Variants in NRIP1 observed in about 807,000 individuals in gnomAD.
NRIP1 encodes the protein nuclear receptor-interacting protein 1.
Under a neutral mutation model 75.0 loss-of-function variants are expected in NRIP1, and 28 were observed. The observed-to-expected ratio is 0.37, with a 90% CI of 0.28 to 0.51. The LOEUF is 0.51. Ranked by LOEUF, NRIP1 falls within the 20% of genes least tolerant of loss-of-function variation. The probability of loss-of-function intolerance (pLI) is 0.92; values close to 1 mark genes in which losing one functional copy is unlikely to be tolerated. For missense variants in NRIP1, 1,435 were observed against 1,343.7 expected, an observed-to-expected ratio of 1.07 and a Z score of -1.06; for synonymous variants, 526 against 487.6, an observed-to-expected ratio of 1.08 and a Z score of -1.04.
At chr21:15,055,369 A>G (rs546268521) in intron 1 of NRIP1, among the ~76,000 whole-genome samples, 1 of 152,212 alleles carries the variant, frequency 6.6e-6, no homozygotes, top group Non-Finnish European at 1.5e-5. Flanking sequence ...TAAAATTCCA[A>G]ATGTACGTAA....
chr21:14,965,889 T>G lies in NRIP1; in HGVS notation c.2304A>C (p.Thr768=). 1 of 1,614,108 alleles carries G rather than the reference T, an allele frequency of 6.2e-7. No homozygotes were observed. Among genetic ancestry groups the G allele is most frequent in the East Asian group, 2.2e-5 (1 of 44,882 alleles). ...TAGCATCATGGCTCAAGTGCACATT[T>G]GTGTTAGGAATTTGTAAGTCATCAC... ...EPCDDLQIPN[T]NVHLSHDAKS... The change falls in exon 4 of 4, where the codon ACA becomes ACC. Residue 768 remains threonine, a synonymous_variant. Transcript: ENST00000318948.
At chr21:15,050,072 A>C (rs1012854160) in intron 1 of NRIP1, 1 of 152,248 alleles carries the variant, frequency 6.6e-6, no homozygotes, top group African/African-American at 2.4e-5. Context: ...TAAAATACTA[A>C]TTCCTATTGT....
intron 2 of NRIP1, among the ~76,000 whole-genome samples, chr21:15,039,990 T>A (rs1261676598): frequency 6.6e-6 from 1 of 152,106 alleles, no homozygotes; most frequent in Admixed American, 6.5e-5. Context: ...ATGGCACCTT[T>A]CTACTGGATT....
chr21:14,993,431 T>A (rs566548747), intron 3 of NRIP1, among the ~76,000 whole-genome samples: 238 of 152,246 alleles, frequency 1.6e-3, no homozygotes, highest in African/African-American at 5.2e-3. Context: ...CCTTCTATAT[T>A]CATATCTAAA....
In NRIP1 at chr21:15,021,640, G is replaced by A. The variant is rs775660817; in HGVS notation, c.-457-7174C>T. Among the ~76,000 whole-genome samples, 3 of 152,062 alleles carry A rather than the reference G, an allele frequency of 2.0e-5. No homozygotes were observed. In the East Asian group the frequency reaches 5.8e-4, roughly 29 times the overall value. On this transcript the variant is annotated intron_variant, in intron 2 of 3. Coordinates refer to ENST00000318948, the MANE Select transcript of NRIP1 (RefSeq NM_003489.4). Reference sequence around the variant, plus strand: ...ACAAAATCATAAATTTATTTAAAATGAGTCCGATGTGCTGACAAAGGTCTC... The same window carrying A: ...ACAAAATCATAAATTTATTTAAAATAAGTCCGATGTGCTGACAAAGGTCTC...
rs56862001 is a variant in NRIP1 at position 14,983,369 on chromosome 21, C to T, written c.-334-14843G>A. Among the ~76,000 whole-genome samples the T allele has an allele frequency of 0.017, 2,565 of 152,210 alleles. 243 individuals are homozygous for T. In the East Asian group the frequency reaches 0.28, roughly 17 times the overall value. Reference sequence around the variant, plus strand: ...CTATTACATTCCCTTAAACCAAAGCCTAATCCAGAGCAAGGCCCTAACTCT... The same window carrying T: ...CTATTACATTCCCTTAAACCAAAGCTTAATCCAGAGCAAGGCCCTAACTCT... On this transcript the variant is annotated intron_variant, in intron 3 of 3. Transcript: ENST00000318948.
intron 1 of NRIP1, among the ~76,000 whole-genome samples, chr21:15,044,584 A>G (rs1443398077): frequency 6.6e-6 from 1 of 152,080 alleles, no homozygotes; most frequent in African/African-American, 2.4e-5. Flanking sequence ...TTATACTTCT[A>G]GAACTCTCAA....
At chr21:15,025,142 G>C (rs984273619) in intron 2 of NRIP1, among the ~76,000 whole-genome samples, 78 of 152,200 alleles carry the variant, frequency 5.1e-4, no homozygotes, top group African/African-American at 1.7e-3. Flanking sequence ...GGGTGAGAAC[G>C]GCTTCCACAT....
Position 14,962,619 on chromosome 21 carries a change from T to C in NRIP1, c.*2097A>G, listed in dbSNP as rs761916336. ...TGACTTGTTTAAAAGCTTATTTATA[T>C]AGTGTTGACAATAAGATTGTCATAG... On this transcript the variant is annotated 3_prime_UTR_variant, in exon 4 of 4. Coordinates refer to ENST00000318948, the MANE Select transcript of NRIP1 (RefSeq NM_003489.4). 1.3e-5 allele frequency: 2 copies of C among 152,436 alleles called. No homozygotes were observed. Among genetic ancestry groups the C allele is most frequent in the African/African-American group, 4.8e-5 (2 of 41,412 alleles). 9.4% of individuals were successfully genotyped at this position (152,436 alleles called of 1,614,324 possible).
chr21:14,978,036 T>G (rs985108080), intron 3 of NRIP1, among the ~76,000 whole-genome samples: 5 of 152,176 alleles, frequency 3.3e-5, no homozygotes, highest in Non-Finnish European at 5.9e-5. Context: ...AGGACTTAAT[T>G]TTTTGGCCCA....
At chr21:14,971,949 C>A (rs1237282931) in intron 3 of NRIP1, among the ~76,000 whole-genome samples, 2 of 152,010 alleles carry the variant, frequency 1.3e-5, no homozygotes, top group Admixed American at 1.3e-4. Flanking sequence ...GAAAAAAATC[C>A]TATAAAACGT....
At chr21:15,052,165 G>A (rs2089215321) in intron 1 of NRIP1, 1 of 152,132 alleles carries the variant, frequency 6.6e-6, no homozygotes, top group Non-Finnish European at 1.5e-5. Flanking sequence ...ACTGAAGCAA[G>A]GAGATGTTGA....
At chr21:15,044,661 C>T (rs569764568) in intron 1 of NRIP1, among the ~76,000 whole-genome samples, 1 of 152,256 alleles carries the variant, frequency 6.6e-6, no homozygotes, top group Non-Finnish European at 1.5e-5. Flanking sequence ...CATCTGTAAA[C>T]CTGAATTCTA....
chr21:15,023,012 T>C (rs966320561), intron 2 of NRIP1, among the ~76,000 whole-genome samples: 5 of 152,102 alleles, frequency 3.3e-5, no homozygotes, highest in Admixed American at 2.0e-4. Flanking sequence ...ATGTACAGAA[T>C]AGGCAAATTA....
chr21:15,029,399 G>A (rs1018158947), intron 2 of NRIP1, among the ~76,000 whole-genome samples: 2 of 151,996 alleles, frequency 1.3e-5, no homozygotes, highest in African/African-American at 2.4e-5. Flanking sequence ...GTCACCCTCC[G>A]AGTAAGGCCT....
At chr21:14,974,023 A>G (rs1208475650) in intron 3 of NRIP1, among the ~76,000 whole-genome samples, 1 of 151,928 alleles carries the variant, frequency 6.6e-6, no homozygotes, top group Non-Finnish European at 1.5e-5. Context: ...TCAGTACACC[A>G]AGAAAAACAG....
At chr21:14,987,831 C>A (rs2087449581) in intron 3 of NRIP1, 1 of 152,160 alleles carries the variant, frequency 6.6e-6, no homozygotes, top group African/African-American at 2.4e-5. Context: ...TCCCATGTTA[C>A]CAGGGCACTA....
rs534905648 is a variant in NRIP1, at chr21:15,014,861, A to G, written c.-457-395T>C. Among the ~76,000 whole-genome samples, 74 of 151,994 alleles carry G rather than the reference A, an allele frequency of 4.9e-4. 4 individuals are homozygous for G. The South Asian group carries it at 0.015, about 30-fold the overall frequency. ...AAAAAAGAATAGCTATAGTTTTCTT[A>G]TATGGAACTTTTTCAGTTTCAAAAT... On this transcript the variant is annotated intron_variant, in intron 2 of 3. Coordinates refer to ENST00000318948, the MANE Select transcript of NRIP1 (RefSeq NM_003489.4).
chr21:14,992,011 GTAC>G (rs2087586036), intron 3 of NRIP1, among the ~76,000 whole-genome samples: 1 of 150,922 alleles, frequency 6.6e-6, no homozygotes, highest in South Asian at 2.1e-4. Context: ...TCTAAATATT[GTAC>G]ACAGCCCAAA....
Sources: allele counts gnomAD v4.1 joint callset (sites outside exome capture counted in the v4.1 genomes callset), GRCh38; gene constraint gnomAD v4.1.1; transcripts MANE v1.5; gene names NCBI Gene and HGNC (gene_info 2026-07-23, HGNC 2026-07-21).